DMD: variants seen among roughly 807,000 people sequenced by gnomAD.
DMD encodes mutant dystrophin.
In DMD, 63 loss-of-function variants were observed where a neutral mutation model predicts 330.1. The ratio of observed to expected loss-of-function variants is 0.19; its 90% CI spans 0.16 to 0.24. The LOEUF is 0.24. Ranked by LOEUF, DMD falls within the 10% of genes least tolerant of loss-of-function variation. The pLI is 1.00. For synonymous variants in DMD, 1,223 were observed against 959.8 expected, an observed-to-expected ratio of 1.27 and a Z score of -5.07; for missense variants, 3,344 against 2,684.1, an observed-to-expected ratio of 1.25 and a Z score of -5.43.
chrX:31,570,241 A>G (rs376650568), intron 55 of DMD, among the ~76,000 whole-genome samples: 2 of 111,744 alleles, frequency 1.8e-5, no homozygotes, highest in South Asian at 7.5e-4. Flanking sequence ...TTTCCCTATT[A>G]GAAGAAGTTA....
At chrX:33,165,981 T>C (rs1281207687) in intron 1 of DMD, among the ~76,000 whole-genome samples, 2 of 110,965 alleles carry the variant, frequency 1.8e-5, no homozygotes, top group Non-Finnish European at 3.8e-5. Flanking sequence ...GCAAAGAAGG[T>C]AACTGAAAGT....
At chrX:31,455,460 G>C (rs113337308) in intron 59 of DMD, among the ~76,000 whole-genome samples, 289 of 111,680 alleles carry the variant, frequency 2.6e-3, no homozygotes, top group African/African-American at 8.7e-3. Flanking sequence ...TTTTATTAAA[G>C]AACAAGCAGT....
chrX:32,132,696 T>C (rs747734063), intron 44 of DMD, among the ~76,000 whole-genome samples: 1 of 111,025 alleles, frequency 9.0e-6, no homozygotes, highest in African/African-American at 3.3e-5. Context: ...CGCTGGAGAT[T>C]TGGCTTCGGT....
rs1196490704 is a variant in DMD at position 32,211,053 on chromosome X, G to A, written c.6438+5863C>T. ...AAGCTGAAGAGCAGCTAAAGGGAGA[G>A]CTGAAGAGCAGCTAAACTTGGCTTT... On this transcript the variant is annotated intron_variant, in intron 44 of 78. Transcript: ENST00000357033. Among the ~76,000 whole-genome samples, 3 of 111,203 alleles carry A rather than the reference G, an allele frequency of 2.7e-5. No individual in the cohort carries two copies. The East Asian group carries it at 8.4e-4, about 31-fold the overall frequency.
chrX:31,190,331 G>C (rs1023009838), intron 67 of DMD, among the ~76,000 whole-genome samples: 1 of 109,996 alleles, frequency 9.1e-6, no homozygotes, highest in African/African-American at 3.3e-5. Context: ...CGCCAGAACT[G>C]GTGTCAGTTT....
At chrX:31,909,380 TC>T (rs1342985467) in intron 47 of DMD, among the ~76,000 whole-genome samples, 13 of 110,715 alleles carry the variant, frequency 1.2e-4, no homozygotes, top group Admixed American at 7.7e-4. Flanking sequence ...GGAAAGAAGG[TC>T]CCTAAAGAGA....
At chrX:32,869,235 A>AC (rs1228902874) in intron 2 of DMD, among the ~76,000 whole-genome samples, 1 of 110,791 alleles carries the variant, frequency 9.0e-6, no homozygotes, top group Non-Finnish European at 1.9e-5. Flanking sequence ...CCCAATTAAA[A>AC]CCCCATCCAA....
At chrX:32,725,568 C>CA (rs1294874329) in intron 7 of DMD, among the ~76,000 whole-genome samples, 1 of 110,241 alleles carries the variant, frequency 9.1e-6, no homozygotes, top group Non-Finnish European at 1.9e-5. Flanking sequence ...AGAAAGGGGT[C>CA]AATTCAGCAA....
chrX:32,527,864 C>T (rs759509529), intron 17 of DMD, among the ~76,000 whole-genome samples: 3 of 111,310 alleles, frequency 2.7e-5, no homozygotes, highest in African/African-American at 9.8e-5. Flanking sequence ...AACACATACA[C>T]GTTTGTATAG....
rs58505662 is a variant in DMD, at chrX:33,129,325, C to CTTTTTTTTTTTTTTTTTTTT, written c.31+81937_31+81956dup. 6.5e-5 allele frequency among the ~76,000 whole-genome samples: 2 copies of CTTTTTTTTTTTTTTTTTTTT among 30,720 alleles called. 1 individual carries two copies. Among genetic ancestry groups the CTTTTTTTTTTTTTTTTTTTT allele is most frequent in the African/African-American group, 2.8e-4 (2 of 7,163 alleles). 26.7% of individuals were successfully genotyped at this position (30,720 alleles called of 115,157 possible). On this transcript the variant is annotated intron_variant, in intron 1 of 78. Transcript: ENST00000357033. The stretch of plus-strand genomic sequence containing the variant: ...AATCCAGAGTTACAGTTAAGGTTTG[C>CTTTTTTTTTTTTTTTTTTTT]TTTTTTTTTTTTTTTTTTTTTTTTT...
At chrX:32,117,818 G>A in intron 44 of DMD, among the ~76,000 whole-genome samples, 1 of 111,213 alleles carries the variant, frequency 9.0e-6, no homozygotes, top group Non-Finnish European at 1.9e-5. Context: ...GTTTGGATAG[G>A]GATCTTCTAT....
intron 47 of DMD, among the ~76,000 whole-genome samples, chrX:31,927,122 T>C (rs1394065853): frequency 8.9e-6 from 1 of 112,346 alleles, no homozygotes; most frequent in Non-Finnish European, 1.9e-5. Flanking sequence ...CAGAGGCATA[T>C]GGATGGAGAA....
rs147529793 is a variant in DMD at position 32,422,349 on chromosome X, G to T, written c.4072-10436C>A. On this transcript the variant is annotated intron_variant, in intron 29 of 78. Transcript: ENST00000357033. Reference sequence around the variant, plus strand: ...TAGAAAATCAGAGGGAGTCAAAAGTGGGTATGTGTACACCAAAGTCCCTAT... The same window carrying T: ...TAGAAAATCAGAGGGAGTCAAAAGTTGGTATGTGTACACCAAAGTCCCTAT... 1.1e-3 allele frequency among the ~76,000 whole-genome samples: 127 copies of T among 111,669 alleles called. 1 individual carries two copies. Among genetic ancestry groups the T allele is most frequent in the African/African-American group, 3.8e-3 (118 of 30,764 alleles).
At chrX:32,211,422 T>G (rs2097093257) in intron 44 of DMD, among the ~76,000 whole-genome samples, 1 of 112,140 alleles carries the variant, frequency 8.9e-6, no homozygotes, top group Non-Finnish European at 1.9e-5. Context: ...AGTTTTTTAT[T>G]ACATTTCTTT....
At chrX:31,689,734 G>A (rs1250194081) in intron 52 of DMD, among the ~76,000 whole-genome samples, 6 of 111,285 alleles carry the variant, frequency 5.4e-5, no homozygotes, top group East Asian at 2.8e-4. Context: ...ACAAGGCTAC[G>A]GTAACCAAAA....
intron 9 of DMD, among the ~76,000 whole-genome samples, chrX:32,674,181 A>G (rs912746069): frequency 2.7e-5 from 3 of 111,873 alleles, no homozygotes; most frequent in Non-Finnish European, 3.8e-5. Context: ...TTTCTTTTAT[A>G]AATTTAGTTT....
intron 9 of DMD, among the ~76,000 whole-genome samples, chrX:32,673,692 G>A (rs1161472576): frequency 8.9e-6 from 1 of 112,063 alleles, no homozygotes; most frequent in Non-Finnish European, 1.9e-5. Context: ...CTATCATGAA[G>A]AAGCAGCTTC....
At chrX:32,950,380 A>C (rs1041027274) in intron 2 of DMD, among the ~76,000 whole-genome samples, 5 of 111,343 alleles carry the variant, frequency 4.5e-5, no homozygotes, top group African/African-American at 1.6e-4. Context: ...AGTAAGTAGC[A>C]AAGCTGGAAT....
intron 13 of DMD, among the ~76,000 whole-genome samples, chrX:32,593,274 A>C (rs1202039148): frequency 8.9e-6 from 1 of 112,879 alleles, no homozygotes; most frequent in Non-Finnish European, 1.9e-5. Context: ...AGCTTAAAGA[A>C]AACTTTCCTC....
Sources: allele counts gnomAD v4.1 joint callset (sites outside exome capture counted in the v4.1 genomes callset), GRCh38; gene constraint gnomAD v4.1.1; transcripts MANE v1.5; gene names NCBI Gene and HGNC (gene_info 2026-07-23, HGNC 2026-07-21).